MACROD2: variants seen among roughly 807,000 people sequenced by gnomAD.
The protein encoded by MACROD2 is ADP-ribose glycohydrolase MACROD2.
A neutral mutation model predicts 70.4 loss-of-function variants in MACROD2; 36 were observed. The observed-to-expected ratio is 0.51, with a 90% CI of 0.39 to 0.68. The LOEUF is 0.68. MACROD2 is among the 30% of genes least tolerant of loss of function. The pLI is 0.00. For missense variants in MACROD2, 496 were observed against 538.4 expected, an observed-to-expected ratio of 0.92 and a Z score of 0.78; for synonymous variants, 172 against 178.8, an observed-to-expected ratio of 0.96 and a Z score of 0.30.
At chr20:14,580,931 A>G (rs1980972766) in intron 4 of MACROD2, among the ~76,000 whole-genome samples, 1 of 152,188 alleles carries the variant, frequency 6.6e-6, no homozygotes, top group Non-Finnish European at 1.5e-5. Flanking sequence ...GCAGAGCTTT[A>G]TCTCTGAAGA....
At chr20:14,258,621 A>G (rs2082077011) in intron 3 of MACROD2, among the ~76,000 whole-genome samples, 1 of 152,112 alleles carries the variant, frequency 6.6e-6, no homozygotes, top group South Asian at 2.1e-4. Flanking sequence ...GTCCTTTGTC[A>G]GATGCATAGC....
chr20:14,609,212 T>C (rs1302783850), intron 4 of MACROD2, among the ~76,000 whole-genome samples: 1 of 151,202 alleles, frequency 6.6e-6, no homozygotes, highest in Non-Finnish European at 1.5e-5. Context: ...GTGGTTTGAG[T>C]TGTAACATTA....
intron 2 of MACROD2, among the ~76,000 whole-genome samples, chr20:14,055,435 T>C (rs947477270): frequency 6.6e-6 from 1 of 151,894 alleles, no homozygotes; most frequent in Non-Finnish European, 1.5e-5. Flanking sequence ...TGGTGTTCTC[T>C]TTTATTGCTC....
chr20:14,760,100 A>G (rs1318731501), intron 5 of MACROD2, among the ~76,000 whole-genome samples: 1 of 152,072 alleles, frequency 6.6e-6, no homozygotes, highest in Non-Finnish European at 1.5e-5. Context: ...TGCTGAAATC[A>G]TGAGGGTAGA....
At chr20:15,376,855 C>A (rs1262194150) in intron 6 of MACROD2, among the ~76,000 whole-genome samples, 7 of 152,054 alleles carry the variant, frequency 4.6e-5, no homozygotes, top group Non-Finnish European at 8.8e-5. Context: ...CAATATCATG[C>A]CAACTTCTAG....
At chr20:15,683,487 C>A (rs148615131) in intron 8 of MACROD2, among the ~76,000 whole-genome samples, 1 of 152,228 alleles carries the variant, frequency 6.6e-6, no homozygotes, top group East Asian at 1.9e-4. Flanking sequence ...ATTAACATAA[C>A]CCTGTATTGG....
rs76354830 is a variant in MACROD2, at chr20:15,187,406, G to C, written c.419-42534G>C. 8.2e-3 allele frequency among the ~76,000 whole-genome samples: 1,249 copies of C among 152,220 alleles called. 15 individuals carry two copies. Among genetic ancestry groups the C allele is most frequent in the African/African-American group, 0.029 (1,187 of 41,538 alleles). On this transcript the variant is annotated intron_variant, in intron 5 of 17. Coordinates refer to ENST00000684519, the MANE Select transcript of MACROD2 (RefSeq NM_001351661.2). Reference sequence around the variant, plus strand: ...TTTAAAATGGTTTAGATAAATCCTTGGCTAATAGATCTATTATGGATCAAC... The same window carrying C: ...TTTAAAATGGTTTAGATAAATCCTTCGCTAATAGATCTATTATGGATCAAC...
intron 5 of MACROD2, among the ~76,000 whole-genome samples, chr20:14,779,485 T>TCA (rs2072273449): frequency 6.6e-6 from 1 of 151,902 alleles, no homozygotes; most frequent in African/African-American, 2.4e-5. Context: ...AGCCCAGCAT[T>TCA]CACAGCAGGC....
intron 6 of MACROD2, among the ~76,000 whole-genome samples, chr20:15,403,442 C>T (rs572294738): frequency 1.9e-4 from 25 of 134,856 alleles, no homozygotes; most frequent in African/African-American, 5.5e-4. Context: ...AGGAGGAGGA[C>T]GAGGAGGAGG....
At chr20:14,547,300 C>A in intron 4 of MACROD2, 1 of 303,252 alleles carries the variant, frequency 3.3e-6, no homozygotes. Flanking sequence ...AATGTGCATG[C>A]ATGGCAGAAA....
At chr20:15,189,658 A>T (rs1430820523) in intron 5 of MACROD2, among the ~76,000 whole-genome samples, 1 of 152,224 alleles carries the variant, frequency 6.6e-6, no homozygotes, top group Non-Finnish European at 1.5e-5. Context: ...AGAATTCAGT[A>T]GGTGAAGGAA....
intron 6 of MACROD2, among the ~76,000 whole-genome samples, chr20:15,390,137 AGAT>A (rs1246530219): frequency 3.3e-5 from 5 of 152,164 alleles, no homozygotes; most frequent in African/African-American, 1.2e-4. Flanking sequence ...GTCTTAAGTC[AGAT>A]ATACAAGTCG....
Position 15,504,968 on chromosome 20 carries a change from C to T in MACROD2, c.645+5121C>T, listed in dbSNP as rs534197240. 2.8e-4 allele frequency among the ~76,000 whole-genome samples: 43 copies of T among 152,216 alleles called. No homozygotes were observed. The East Asian group carries it at 7.0e-3, about 25-fold the overall frequency. On this transcript the variant is annotated intron_variant, in intron 8 of 17. Transcript: ENST00000684519. ...AATTCTTTGCGGAATAGGTATTTCC[C>T]CACTCTGCAGCTCTGAGACCCCCTG...
intron 3 of MACROD2, among the ~76,000 whole-genome samples, chr20:14,249,450 G>A (rs922917371): frequency 6.6e-6 from 1 of 151,966 alleles, no homozygotes; most frequent in Admixed American, 6.6e-5. Context: ...ATGGAGAAAA[G>A]AGGGTGGCTT....
chr20:14,948,959 G>A (rs757899451), intron 5 of MACROD2, among the ~76,000 whole-genome samples: 6 of 152,122 alleles, frequency 3.9e-5, no homozygotes, highest in Non-Finnish European at 7.4e-5. Context: ...GTCCTTACAC[G>A]TATATGAGTA....
intron 7 of MACROD2, among the ~76,000 whole-genome samples, chr20:15,483,692 G>A (rs1338553886): frequency 6.6e-6 from 1 of 152,008 alleles, no homozygotes; most frequent in South Asian, 2.1e-4. Context: ...TTCTATCCAT[G>A]CACATAGACT....
At chr20:15,197,220 G>A (rs1049746977) in intron 5 of MACROD2, among the ~76,000 whole-genome samples, 17 of 151,964 alleles carry the variant, frequency 1.1e-4, no homozygotes, top group African/African-American at 4.1e-4. Flanking sequence ...TCAAAGTTTG[G>A]TTTCAATGTT....
chr20:14,176,610 G>A (rs2081265248), intron 3 of MACROD2, among the ~76,000 whole-genome samples: 1 of 146,426 alleles, frequency 6.8e-6, no homozygotes, highest in African/African-American at 2.4e-5. Context: ...TTAACTGGCA[G>A]TTAGTGCTGT....
chr20:14,275,987 G>T (rs1455297872), intron 3 of MACROD2, among the ~76,000 whole-genome samples: 1 of 152,116 alleles, frequency 6.6e-6, no homozygotes, highest in Non-Finnish European at 1.5e-5. Context: ...ACAGGTGCTG[G>T]AGAGGATGTG....
Sources: allele counts gnomAD v4.1 joint callset (sites outside exome capture counted in the v4.1 genomes callset), GRCh38; gene constraint gnomAD v4.1.1; transcripts MANE v1.5; gene names NCBI Gene and HGNC (gene_info 2026-07-23, HGNC 2026-07-21).